EYS: variants seen among roughly 807,000 people sequenced by gnomAD.
EYS encodes EGF-like photoreceptor maintenance factor, also known as protein eyes shut homolog.
EYS carries 250 observed loss-of-function variants against 282.1 expected under a neutral mutation model. That is an observed-to-expected ratio of 0.89 (90% confidence interval 0.80 to 0.98). The LOEUF is 0.98. EYS is among the 50% of genes least tolerant of loss of function. The probability of loss-of-function intolerance (pLI) is 0.00; values close to 1 mark genes in which losing one functional copy is unlikely to be tolerated. For missense variants in EYS, 4,016 were observed against 3,709.0 expected (o/e 1.08, Z -2.15); for synonymous variants, 1,355 against 1,282.9 (o/e 1.06, Z -1.20).
At chr6:64,893,936 C>T (rs142029741) in intron 18 of EYS, among the ~76,000 whole-genome samples, 1 of 151,974 alleles carries the variant, frequency 6.6e-6, no homozygotes, top group Non-Finnish European at 1.5e-5. Context: ...CCTATGCATG[C>T]ATTCAATTAA....
chr6:65,535,237 C>A (rs1767921070), intron 2 of EYS, among the ~76,000 whole-genome samples: 1 of 152,014 alleles, frequency 6.6e-6, no homozygotes, highest in Admixed American at 6.6e-5. Flanking sequence ...CCTTGGGACC[C>A]AGAAAGAGCT....
intron 33 of EYS, among the ~76,000 whole-genome samples, chr6:64,056,897 C>A (rs1771004895): frequency 6.6e-6 from 1 of 152,138 alleles, no homozygotes; most frequent in Admixed American, 6.5e-5. Context: ...GTCCTGCAAT[C>A]TCCTCCTTTT....
intron 22 of EYS, among the ~76,000 whole-genome samples, chr6:64,648,784 A>G (rs971400617): frequency 2.0e-5 from 3 of 152,222 alleles, no homozygotes; most frequent in African/African-American, 7.2e-5. Flanking sequence ...AGAAATGGAG[A>G]AATAGCTAAA....
rs532709099 is a variant in EYS at position 65,628,399 on chromosome 6, G to T, written c.-333+11379C>A. 5.9e-5 allele frequency among the ~76,000 whole-genome samples: 9 copies of T among 152,306 alleles called. 1 individual carries two copies. In the South Asian group the frequency reaches 1.2e-3, roughly 21 times the overall value. On this transcript the variant is annotated intron_variant, in intron 2 of 42. Coordinates refer to ENST00000503581, the MANE Select transcript of EYS (RefSeq NM_001142800.2). ...GCCACTCGGCTCCACCAATCAGCAG[G>T]ATGTGGGTGGGGCCAGATAAGAGAA...
At chr6:64,971,287 T>C (rs757656922) in intron 14 of EYS, among the ~76,000 whole-genome samples, 2 of 82,154 alleles carry the variant, frequency 2.4e-5, no homozygotes, top group Non-Finnish European at 4.8e-5. Context: ...CAGATGAAAG[T>C]GTCCTATTCT....
chr6:63,754,313 G>T (rs1769420907), intron 41 of EYS, among the ~76,000 whole-genome samples: 1 of 151,986 alleles, frequency 6.6e-6, no homozygotes, highest in African/African-American at 2.4e-5. Flanking sequence ...GTTTACATTA[G>T]GTATTTCTCT....
chr6:64,441,139 C>A (rs1774930891), intron 26 of EYS, among the ~76,000 whole-genome samples: 1 of 152,106 alleles, frequency 6.6e-6, no homozygotes, highest in Non-Finnish European at 1.5e-5. Flanking sequence ...TAAGAAGGGA[C>A]AAGACTACGT....
intron 36 of EYS, among the ~76,000 whole-genome samples, chr6:63,861,494 CG>C (rs1185145789): frequency 6.6e-6 from 1 of 152,186 alleles, no homozygotes; most frequent in Non-Finnish European, 1.5e-5. Flanking sequence ...AGCCTTTCAA[CG>C]GTTTCCTAAG....
chr6:64,376,696 AC>A (rs1428981902), intron 29 of EYS, among the ~76,000 whole-genome samples: 3 of 152,152 alleles, frequency 2.0e-5, no homozygotes, highest in African/African-American at 7.2e-5. Context: ...GGAAATCTCA[AC>A]CTGATTTTCC....
At chr6:63,783,637 TTCAGAAAGAGC>T (rs1770291660) in intron 39 of EYS, among the ~76,000 whole-genome samples, 1 of 152,184 alleles carries the variant, frequency 6.6e-6, no homozygotes, top group Non-Finnish European at 1.5e-5. Flanking sequence ...CTCCAAAGAC[TTCAGAAAGAGC>T]TCACTCTCAA....
intron 30 of EYS, among the ~76,000 whole-genome samples, chr6:64,252,297 G>A (rs1449280941): frequency 6.6e-6 from 1 of 152,048 alleles, no homozygotes; most frequent in East Asian, 1.9e-4. Context: ...TTAGAAACCT[G>A]AGCGTAATCC....
At chr6:64,464,144 C>T (rs575059074) in intron 26 of EYS, among the ~76,000 whole-genome samples, 2 of 152,248 alleles carry the variant, frequency 1.3e-5, no homozygotes, top group South Asian at 2.1e-4. Flanking sequence ...ATGGTTCAAC[C>T]TACCCAAATC....
intron 24 of EYS, among the ~76,000 whole-genome samples, chr6:64,609,134 G>A (rs929566839): frequency 2.0e-5 from 3 of 152,166 alleles, no homozygotes; most frequent in African/African-American, 7.2e-5. Context: ...GAGGGAGCCT[G>A]TGCATGTGTG....
At chr6:64,690,711 G>C (rs1265666163) in intron 22 of EYS, among the ~76,000 whole-genome samples, 1 of 152,006 alleles carries the variant, frequency 6.6e-6, no homozygotes, top group Non-Finnish European at 1.5e-5. Context: ...CCATCATTCT[G>C]AGCATACTCG....
chr6:65,091,667 T>G (rs1774571988), intron 12 of EYS, among the ~76,000 whole-genome samples: 2 of 152,098 alleles, frequency 1.3e-5, no homozygotes, highest in African/African-American at 4.8e-5. Flanking sequence ...TTCATAATTT[T>G]GATTAGTGTA....
In EYS at chr6:64,368,725, T is replaced by G. The variant is rs528058593; in HGVS notation, c.6078+19965A>C. Among the ~76,000 whole-genome samples the G allele has an allele frequency of 9.1e-4, 139 of 152,302 alleles. No homozygotes were observed. In the Middle Eastern group the frequency reaches 0.014, roughly 15 times the overall value. On this transcript the variant is annotated intron_variant, in intron 29 of 42. Transcript: ENST00000503581. ...GTGTCTTCTTTTGAAAACTGTTTGTTCATGTCCTTTGCCCATTTTTAAATG... is the reference window on the plus strand; with the variant it reads ...GTGTCTTCTTTTGAAAACTGTTTGTGCATGTCCTTTGCCCATTTTTAAATG...
chr6:65,045,912 A>C (rs1033188058), intron 13 of EYS, among the ~76,000 whole-genome samples: 1 of 151,860 alleles, frequency 6.6e-6, no homozygotes, highest in African/African-American at 2.4e-5. Flanking sequence ...AAACAAACTC[A>C]CCCTTTTGTT....
chr6:65,371,354 G>A (rs1765133455), intron 8 of EYS, among the ~76,000 whole-genome samples: 2 of 151,522 alleles, frequency 1.3e-5, no homozygotes, highest in South Asian at 4.1e-4. Flanking sequence ...AGTGGGTGGA[G>A]GTCCCTAGTA....
At chr6:65,641,520 A>T (rs1318444394) in intron 1 of EYS, among the ~76,000 whole-genome samples, 1 of 152,214 alleles carries the variant, frequency 6.6e-6, no homozygotes. Context: ...TAACTCACCC[A>T]TTCTGACCCT....
Sources: gnomAD v4.1 joint callset for allele counts (sites outside exome capture counted in the v4.1 genomes callset) on GRCh38, gnomAD v4.1.1 for gene constraint, MANE v1.5 for transcripts, NCBI Gene and HGNC (gene_info 2026-07-23, HGNC 2026-07-21) for gene names.